Variants in PTPRM observed in about 807,000 individuals in gnomAD.
The protein encoded by PTPRM is receptor-type tyrosine-protein phosphatase mu.
Under a neutral mutation model 186.7 loss-of-function variants are expected in PTPRM, and 47 were observed. The observed-to-expected ratio is 0.25, with a 90% CI of 0.20 to 0.32. The LOEUF is 0.32. PTPRM is among the 10% of genes least tolerant of loss of function. The probability of loss-of-function intolerance (pLI) is 1.00; values close to 1 mark genes in which losing one functional copy is unlikely to be tolerated. For missense variants in PTPRM, 1,494 were observed against 1,865.0 expected (o/e 0.80, Z 3.66); for synonymous variants, 668 against 674.9 (o/e 0.99, Z 0.16).
At chr18:8,117,060 C>T (rs2091983634) in intron 13 of PTPRM, among the ~76,000 whole-genome samples, 3 of 152,316 alleles carry the variant, frequency 2.0e-5, no homozygotes, top group South Asian at 4.1e-4. Context: ...TTAAGTTCTA[C>T]ATGGACGGAT....
At chr18:8,032,560 A>G (rs1222377503) in intron 7 of PTPRM, among the ~76,000 whole-genome samples, 1 of 152,182 alleles carries the variant, frequency 6.6e-6, no homozygotes, top group Non-Finnish European at 1.5e-5. Context: ...CAAATTTAAT[A>G]TAATTTCAAT....
At chr18:7,839,707 G>T (rs1159670662) in intron 2 of PTPRM, among the ~76,000 whole-genome samples, 1 of 152,186 alleles carries the variant, frequency 6.6e-6, no homozygotes. Flanking sequence ...GGATGTCTCA[G>T]TGGGTTACAT....
chr18:8,329,539 CTT>C lies in PTPRM; in HGVS notation c.2956+10327_2956+10328del, dbSNP rs1428196973. On this transcript the variant is annotated intron_variant, in intron 22 of 32. Coordinates refer to ENST00000580170, the MANE Select transcript of PTPRM (RefSeq NM_001105244.2). ...GAGAGCTGAAACTAATACCCATGTA[CTT>C]TCCAAAGTGCTGGCTTCCCCGTGCC... Among the ~76,000 whole-genome samples the C allele has an allele frequency of 9.2e-5, 14 of 152,308 alleles. No homozygotes were observed. The East Asian group carries it at 2.3e-3, about 25-fold the overall frequency.
intron 1 of PTPRM, among the ~76,000 whole-genome samples, chr18:7,616,338 T>C (rs965399364): frequency 6.6e-6 from 1 of 152,134 alleles, no homozygotes; most frequent in Non-Finnish European, 1.5e-5. Context: ...TTTAAAATTT[T>C]TGTTGAGTTG....
At chr18:8,076,605 T>C (rs1453586731) in intron 9 of PTPRM, 41 bp downstream of exon 9, 2 of 1,023,000 alleles carry the variant, frequency 2.0e-6, no homozygotes, top group Middle Eastern at 2.1e-4. Flanking sequence ...TTAGAAATAC[T>C]CATGATCATG....
intron 7 of PTPRM, among the ~76,000 whole-genome samples, chr18:8,047,654 C>T (rs1041917919): frequency 1.3e-5 from 2 of 151,964 alleles, no homozygotes; most frequent in African/African-American, 2.4e-5. Flanking sequence ...AAAACTCCAC[C>T]TTACCCTCAT....
intron 1 of PTPRM, among the ~76,000 whole-genome samples, chr18:7,755,725 G>A (rs1030470226): frequency 6.6e-6 from 1 of 152,160 alleles, no homozygotes; most frequent in African/African-American, 2.4e-5. Flanking sequence ...CCTTCAAAAA[G>A]TGATAGGTTA....
At chr18:7,683,864 C>T (rs2039535290) in intron 1 of PTPRM, among the ~76,000 whole-genome samples, 1 of 152,082 alleles carries the variant, frequency 6.6e-6, no homozygotes, top group Non-Finnish European at 1.5e-5. Context: ...AGAATGCACC[C>T]CCAGGCTCAT....
intron 2 of PTPRM, among the ~76,000 whole-genome samples, chr18:7,798,647 G>GT (rs1378027948): frequency 6.6e-6 from 1 of 151,794 alleles, no homozygotes; most frequent in Non-Finnish European, 1.5e-5. Flanking sequence ...TCTGATTTTT[G>GT]TTTTTTCTTT....
At chr18:7,889,471 G>A (rs1289801027) in intron 3 of PTPRM, among the ~76,000 whole-genome samples, 1 of 151,438 alleles carries the variant, frequency 6.6e-6, no homozygotes, top group African/African-American at 2.4e-5. Flanking sequence ...CAAGTAGCTG[G>A]AACTATAGAC....
intron 14 of PTPRM, 114 bp downstream of exon 14, chr18:8,143,893 G>A: frequency 7.7e-7 from 1 of 1,297,324 alleles, no homozygotes; most frequent in Non-Finnish European, 1.1e-6. Flanking sequence ...AGACACATCT[G>A]TGACTCTGTG....
Position 7,567,690 on chromosome 18 carries a change from GGGCTT to G in PTPRM, c.-123_-119del. The G allele has an allele frequency of 2.5e-6, 2 of 809,488 alleles. No individual in the cohort carries two copies. The highest frequency in any genetic ancestry group is 3.6e-6 in the Non-Finnish European group (2 of 560,128). 50.1% of individuals were successfully genotyped at this position (809,488 alleles called of 1,614,324 possible). ...ACTTCTGCAACTGTTGGCACTTTGG[GGGCTT>G]GGCTTAGCGCTCTGCTGTTTACCCG... On this transcript the variant is annotated 5_prime_UTR_variant, in exon 1 of 33. Transcript: ENST00000580170. This position sits in a 1 kb window ranked among gnomAD's most constrained non-coding sequence, Gnocchi z 4.3.
At chr18:8,379,019 A>C in intron 27 of PTPRM, 148 bp from the exon 28 acceptor site, 1 of 602,568 alleles carries the variant, frequency 1.7e-6, no homozygotes, top group Non-Finnish European at 2.6e-6. Context: ...AAAAGAAAGA[A>C]AACTCGAACT....
intron 32 of PTPRM, among the ~76,000 whole-genome samples, chr18:8,399,264 A>G (rs1252319977): frequency 1.3e-5 from 2 of 152,224 alleles, no homozygotes; most frequent in South Asian, 4.1e-4. Flanking sequence ...ATGGCAGCTC[A>G]GGAAAACCGG....
intron 7 of PTPRM, among the ~76,000 whole-genome samples, chr18:8,046,838 C>T (rs1169924105): frequency 6.6e-6 from 1 of 152,060 alleles, no homozygotes. Context: ...CCTCCAGACC[C>T]ATCCATACTC....
rs1213622792 is a variant in PTPRM, at chr18:8,319,218, A to G, written c.2956+4A>G. The G allele has an allele frequency of 6.4e-7, 1 of 1,556,726 alleles. No homozygotes were observed. Among genetic ancestry groups the G allele is most frequent in the Non-Finnish European group, 8.8e-7 (1 of 1,132,116 alleles). ...AATCATTACATTGCTACCCAAGGTA[A>G]GTTTATTTCTACTTTGTTGTCTTTC... On this transcript the variant is annotated splice_donor_region_variant and intron_variant, in intron 22 of 32. Transcript: ENST00000580170.
intron 1 of PTPRM, among the ~76,000 whole-genome samples, chr18:7,766,276 A>G (rs186707451): frequency 6.6e-6 from 1 of 152,366 alleles, no homozygotes; most frequent in East Asian, 1.9e-4. Context: ...AGGAGAGAGA[A>G]GCAACATAGT....
At chr18:7,880,609 G>A (rs1027460745) in intron 2 of PTPRM, among the ~76,000 whole-genome samples, 3 of 152,196 alleles carry the variant, frequency 2.0e-5, no homozygotes, top group African/African-American at 7.2e-5. Context: ...ACTGAAATGG[G>A]TGCTAATAAA....
chr18:7,583,008 G>T (rs535894377), intron 1 of PTPRM, among the ~76,000 whole-genome samples: 8 of 152,194 alleles, frequency 5.3e-5, no homozygotes, highest in African/African-American at 1.9e-4. Flanking sequence ...TACTTCCTTG[G>T]TCATCCTGTG....
Sources: gnomAD v4.1 joint callset for allele counts (sites outside exome capture counted in the v4.1 genomes callset) on GRCh38, gnomAD v4.1.1 for gene constraint, Gnocchi (gnomAD v3.1) non-coding constraint, MANE v1.5 for transcripts, NCBI Gene and HGNC (gene_info 2026-07-23, HGNC 2026-07-21) for gene names.